Variants in FRY observed in about 807,000 individuals in gnomAD.
FRY encodes FRY microtubule binding protein, also known as protein furry homolog.
Under a neutral mutation model 348.4 loss-of-function variants are expected in FRY, and 128 were observed. That is an observed-to-expected ratio of 0.37 (90% confidence interval 0.32 to 0.43). The LOEUF (loss-of-function observed/expected upper bound fraction) is 0.43. FRY is among the 20% of genes least tolerant of loss of function. FRY has a pLI of 1.00. For missense variants in FRY, 2,736 were observed against 3,695.2 expected, an observed-to-expected ratio of 0.74 and a Z score of 6.73; for synonymous variants, 1,370 against 1,374.7, an observed-to-expected ratio of 1.00 and a Z score of 0.08.
At chr13:32,112,522 G>A (rs1198116687) in intron 3 of FRY, among the ~76,000 whole-genome samples, 2 of 152,190 alleles carry the variant, frequency 1.3e-5, no homozygotes, top group African/African-American at 2.4e-5. Context: ...AACATGGCAC[G>A]TGAGTGGTCA....
At chr13:32,263,568 C>G (rs1887779236) in intron 53 of FRY, among the ~76,000 whole-genome samples, 1 of 152,012 alleles carries the variant, frequency 6.6e-6, no homozygotes, top group African/African-American at 2.4e-5. Context: ...GAAAAGTTGT[C>G]TAAGTTAAAA....
At chr13:32,268,505 A>AAAATATATATAT (rs1555273232) in intron 55 of FRY, among the ~76,000 whole-genome samples, 23 of 28,220 alleles carry the variant, frequency 8.2e-4, no homozygotes, top group Non-Finnish European at 1.6e-3. Context: ...AAAAAAAAAA[A>AAAATATATATAT]ATATATATAT....
chr13:32,190,507 T>C (rs1393178026), intron 28 of FRY, among the ~76,000 whole-genome samples: 1 of 152,130 alleles, frequency 6.6e-6, no homozygotes, highest in Admixed American at 6.5e-5. Context: ...TATATTTCAG[T>C]ACAGCAACGA....
chr13:32,237,314 T>C lies in FRY; in HGVS notation c.5811-65T>C, dbSNP rs1396389154. On this transcript the variant is annotated intron_variant, in intron 43 of 60. Transcript: ENST00000542859. The surrounding 1 kb of genome is among the most constrained non-coding windows in gnomAD (Gnocchi z 6.3). ...CTCCTGCAGTGTTTCTCAGTGGACTTGAAAGGACTGGCTTTTGGTGACACA... is the reference window on the plus strand; with the variant it reads ...CTCCTGCAGTGTTTCTCAGTGGACTCGAAAGGACTGGCTTTTGGTGACACA... The C allele has an allele frequency of 1.0e-5, 16 of 1,545,384 alleles. No individual in the cohort carries two copies. The African/African-American group carries it at 2.2e-4, about 21-fold the overall frequency.
intron 28 of FRY, among the ~76,000 whole-genome samples, chr13:32,191,605 C>G (rs1434590395): frequency 2.0e-5 from 3 of 152,138 alleles, no homozygotes; most frequent in Non-Finnish European, 2.9e-5. Context: ...AGTGGCTTAT[C>G]AACAACAGAA....
In FRY at chr13:32,131,662, A is replaced by G. The variant is rs1342220199; in HGVS notation, c.717-10A>G. The G allele has an allele frequency of 6.2e-7, 1 of 1,608,580 alleles. No homozygotes were observed. Among genetic ancestry groups the G allele is most frequent in the East Asian group, 2.2e-5 (1 of 44,854 alleles). ...CAATATTTGATAAACCACTTATGTT[A>G]TCTTCTTAGATTCCCTGCTGTAAAG... On this transcript the variant is annotated splice_polypyrimidine_tract_variant and intron_variant, in intron 7 of 60. Coordinates refer to ENST00000542859, the MANE Select transcript of FRY (RefSeq NM_023037.3).
intron 4 of FRY, among the ~76,000 whole-genome samples, chr13:32,119,106 T>C (rs1420719929): frequency 6.6e-6 from 1 of 152,200 alleles, no homozygotes; most frequent in Non-Finnish European, 1.5e-5. Flanking sequence ...AGATAAAGAA[T>C]CAGGACAGTA....
intron 1 of FRY, among the ~76,000 whole-genome samples, chr13:32,051,807 G>A (rs1873346523): frequency 6.6e-6 from 1 of 152,170 alleles, no homozygotes; most frequent in South Asian, 2.1e-4. Context: ...AGTAGGCAAG[G>A]TGGAAATCCC....
intron 5 of FRY, 43 bp downstream of exon 5, chr13:32,124,419 A>T (rs550195972): frequency 9.1e-7 from 1 of 1,102,870 alleles, no homozygotes; most frequent in East Asian, 2.5e-5. Flanking sequence ...ATATTTATTG[A>T]TCTAAAAACT....
intron 58 of FRY, among the ~76,000 whole-genome samples, chr13:32,280,507 G>A (rs1029914208): frequency 6.6e-6 from 1 of 152,178 alleles, no homozygotes; most frequent in East Asian, 1.9e-4. Flanking sequence ...CTCATGGCTT[G>A]TCTTTCCAGC....
At chr13:32,116,664 A>G (rs556487218) in intron 3 of FRY, among the ~76,000 whole-genome samples, 1 of 152,268 alleles carries the variant, frequency 6.6e-6, no homozygotes, top group East Asian at 1.9e-4. Flanking sequence ...ATATGGATTG[A>G]AGTGTTTTTT....
intron 31 of FRY, among the ~76,000 whole-genome samples, chr13:32,204,347 A>G (rs1884228736): frequency 6.6e-6 from 1 of 152,216 alleles, no homozygotes; most frequent in Admixed American, 6.5e-5. Context: ...AGGTTTAGAG[A>G]TGTTAAATAA....
intron 38 of FRY, among the ~76,000 whole-genome samples, 177 bp downstream of exon 38, chr13:32,225,213 C>T (rs1885520070): frequency 1.3e-5 from 2 of 152,218 alleles, no homozygotes; most frequent in South Asian, 2.1e-4. Flanking sequence ...TACTTGGTCA[C>T]TGTTTGAAAT....
chr13:32,145,548 T>G (rs1191746255), intron 11 of FRY, among the ~76,000 whole-genome samples: 37 of 145,882 alleles, frequency 2.5e-4, no homozygotes, highest in Admixed American at 6.7e-4. Flanking sequence ...TTTTTTTTTT[T>G]TTTTTTTGAG....
At chr13:32,120,235 A>G (rs1878567514) in intron 4 of FRY, among the ~76,000 whole-genome samples, 2 of 152,118 alleles carry the variant, frequency 1.3e-5, no homozygotes, top group Admixed American at 1.3e-4. Context: ...CATTTTGTAG[A>G]TGGAGAAATT....
intron 51 of FRY, among the ~76,000 whole-genome samples, chr13:32,257,642 GC>G (rs34804331): frequency 0.48 from 72,845 of 151,882 alleles, 18,839 homozygotes; most frequent in Middle Eastern, 0.66. Flanking sequence ...ACATATTTAG[GC>G]ATTCCAAAAA....
At chr13:32,090,290 G>GT (rs980730163) in intron 2 of FRY, among the ~76,000 whole-genome samples, 5 of 146,522 alleles carry the variant, frequency 3.4e-5, no homozygotes, top group African/African-American at 1.3e-4. Flanking sequence ...GGAGGTTGCA[G>GT]TGAGCCGAGG....
chr13:32,109,867 G>A (rs1236717434), intron 3 of FRY, among the ~76,000 whole-genome samples: 38 of 152,292 alleles, frequency 2.5e-4, no homozygotes, highest in Admixed American at 2.3e-3. Context: ...AGTAAAGAAC[G>A]TCATAAAGAG....
chr13:32,053,478 A>G (rs1369164114), intron 1 of FRY, among the ~76,000 whole-genome samples: 1 of 152,206 alleles, frequency 6.6e-6, no homozygotes, highest in Non-Finnish European at 1.5e-5. Context: ...CTGTTTCTTT[A>G]TGTATACACC....
Sources: gnomAD v4.1 joint callset for allele counts (sites outside exome capture counted in the v4.1 genomes callset) on GRCh38, gnomAD v4.1.1 for gene constraint, Gnocchi (gnomAD v3.1) non-coding constraint, MANE v1.5 for transcripts, NCBI Gene and HGNC (gene_info 2026-07-23, HGNC 2026-07-21) for gene names.